The following ZFPM2 variants were observed in gnomAD, a reference collection of about 807,000 sequenced individuals.
ZFPM2 encodes the protein zinc finger protein ZFPM2.
Under a neutral mutation model 98.6 loss-of-function variants are expected in ZFPM2, and 20 were observed. The ratio of observed to expected loss-of-function variants is 0.20; its 90% confidence interval spans 0.14 to 0.29. The LOEUF (loss-of-function observed/expected upper bound fraction) is 0.29. ZFPM2 is among the 10% of genes least tolerant of loss of function. The pLI, the probability that ZFPM2 is intolerant of heterozygous loss-of-function variation, is 1.00. For synonymous variants in ZFPM2, 518 were observed against 502.7 expected (o/e 1.03, Z -0.41); for missense variants, 1,310 against 1,388.6 (o/e 0.94, Z 0.90).
chr8:105,339,924 A>T (rs1812396216), intron 1 of ZFPM2, among the ~76,000 whole-genome samples: 1 of 151,968 alleles, frequency 6.6e-6, no homozygotes, highest in South Asian at 2.1e-4. Context: ...ATAAGAATTG[A>T]TGCCATAAAG....
At chr8:105,686,197 A>G (rs776211749) in intron 5 of ZFPM2, among the ~76,000 whole-genome samples, 10 of 152,140 alleles carry the variant, frequency 6.6e-5, no homozygotes, top group Non-Finnish European at 1.0e-4. Flanking sequence ...ATTAGAGATT[A>G]GATGTGTCCG....
intron 5 of ZFPM2, among the ~76,000 whole-genome samples, chr8:105,741,864 G>T (rs1427303638): frequency 6.6e-6 from 1 of 152,052 alleles, no homozygotes; most frequent in Non-Finnish European, 1.5e-5. Context: ...TACAGGTTTT[G>T]CCAGACTACT....
At chr8:105,797,498 A>G (rs1813867763) in intron 6 of ZFPM2, among the ~76,000 whole-genome samples, 1 of 152,198 alleles carries the variant, frequency 6.6e-6, no homozygotes, top group African/African-American at 2.4e-5. Context: ...AAAATGATTC[A>G]GTGATGCTTC....
intron 5 of ZFPM2, among the ~76,000 whole-genome samples, chr8:105,668,623 A>T (rs1284156048): frequency 1.3e-5 from 2 of 152,170 alleles, no homozygotes; most frequent in Non-Finnish European, 2.9e-5. Flanking sequence ...GATTTATATT[A>T]ATATTAGGTT....
At chr8:105,443,831 G>C (rs1179704117) in intron 2 of ZFPM2, among the ~76,000 whole-genome samples, 1 of 152,130 alleles carries the variant, frequency 6.6e-6, no homozygotes, top group Non-Finnish European at 1.5e-5. Context: ...AAAAATAAAA[G>C]TGTTCTTCAA....
intron 5 of ZFPM2, among the ~76,000 whole-genome samples, chr8:105,730,950 C>G (rs1412213111): frequency 6.6e-6 from 1 of 151,540 alleles, no homozygotes; most frequent in African/African-American, 2.4e-5. Context: ...GTTAAGGACT[C>G]ACAGTCAAAG....
chr8:105,337,324 TA>T (rs1341488549), intron 1 of ZFPM2, among the ~76,000 whole-genome samples: 1 of 151,798 alleles, frequency 6.6e-6, no homozygotes, highest in Non-Finnish European at 1.5e-5. Flanking sequence ...GCTACTGGGT[TA>T]AAATTGATAA....
At chr8:105,466,176 A>T (rs1812792880) in intron 3 of ZFPM2, among the ~76,000 whole-genome samples, 1 of 151,958 alleles carries the variant, frequency 6.6e-6, no homozygotes, top group South Asian at 2.1e-4. Flanking sequence ...TTCCTTTGCC[A>T]AACTAATTTT....
intron 1 of ZFPM2, among the ~76,000 whole-genome samples, chr8:105,320,453 C>CTT (rs113099427): frequency 0.049 from 7,382 of 152,196 alleles, 603 homozygotes; most frequent in African/African-American, 0.17. Context: ...TTTTTGAAGA[C>CTT]TCACTTTTTC....
intron 4 of ZFPM2, among the ~76,000 whole-genome samples, chr8:105,623,228 C>A (rs1434541267): frequency 6.6e-6 from 1 of 152,094 alleles, no homozygotes; most frequent in African/African-American, 2.4e-5. Flanking sequence ...AATCTGCCTT[C>A]CCAAAAGATA....
At chr8:105,714,736 G>A (rs1478570921) in intron 5 of ZFPM2, among the ~76,000 whole-genome samples, 1 of 151,960 alleles carries the variant, frequency 6.6e-6, no homozygotes, top group African/African-American at 2.4e-5. Flanking sequence ...GTTGGCCATA[G>A]TGAGAGTATT....
rs547678356 is a variant in ZFPM2, at chr8:105,365,950, G to T, written c.40+46969G>T. Among the ~76,000 whole-genome samples the T allele has an allele frequency of 2.6e-5, 4 of 152,200 alleles. No homozygotes were observed. In the South Asian group the frequency reaches 8.3e-4, roughly 32 times the overall value. On this transcript the variant is annotated intron_variant, in intron 1 of 7. Transcript: ENST00000407775. Reference sequence around the variant, plus strand: ...TCAAAAATGATTGATGATTTCCAATGCCCCAGAGAAAATTTCAGCCTCTGT... The same window carrying T: ...TCAAAAATGATTGATGATTTCCAATTCCCCAGAGAAAATTTCAGCCTCTGT...
chr8:105,454,050 TC>T (rs1045948368), intron 3 of ZFPM2, among the ~76,000 whole-genome samples: 2 of 152,082 alleles, frequency 1.3e-5, no homozygotes, highest in Admixed American at 6.6e-5. Context: ...TTTTCAAACT[TC>T]CCTACTTATC....
intron 2 of ZFPM2, among the ~76,000 whole-genome samples, chr8:105,424,375 A>T (rs1301844120): frequency 6.6e-6 from 1 of 152,162 alleles, no homozygotes; most frequent in African/African-American, 2.4e-5. Context: ...GGTCAGAGAC[A>T]TTCTTGGGTA....
chr8:105,630,348 C>T (rs973396782), intron 4 of ZFPM2, among the ~76,000 whole-genome samples: 7 of 152,248 alleles, frequency 4.6e-5, no homozygotes, highest in African/African-American at 1.7e-4. Context: ...TTCCTTCTCA[C>T]ACTTGGTAAT....
intron 1 of ZFPM2, among the ~76,000 whole-genome samples, chr8:105,413,080 A>G (rs1395780250): frequency 6.6e-6 from 1 of 151,838 alleles, no homozygotes; most frequent in African/African-American, 2.4e-5. Flanking sequence ...TTTCCCCAAT[A>G]CTAATTGAAC....
chr8:105,748,242 C>T (rs1342623183), intron 5 of ZFPM2, among the ~76,000 whole-genome samples: 2 of 151,834 alleles, frequency 1.3e-5, no homozygotes, highest in Non-Finnish European at 2.9e-5. Context: ...ACTTCTTTGC[C>T]AAAAATTATT....
At chr8:105,694,332 A>C (rs1000080938) in intron 5 of ZFPM2, among the ~76,000 whole-genome samples, 1 of 152,112 alleles carries the variant, frequency 6.6e-6, no homozygotes, top group African/African-American at 2.4e-5. Flanking sequence ...TGACTCAAAT[A>C]GAGTTTTCTG....
chr8:105,425,637 C>T (rs1174104174), intron 2 of ZFPM2, among the ~76,000 whole-genome samples: 2 of 152,192 alleles, frequency 1.3e-5, no homozygotes, highest in African/African-American at 4.8e-5. Flanking sequence ...CCCCCCTCCT[C>T]CCATCCTCCT....
Sources: gnomAD v4.1 joint callset for allele counts (sites outside exome capture counted in the v4.1 genomes callset) on GRCh38, gnomAD v4.1.1 for gene constraint, MANE v1.5 for transcripts, NCBI Gene and HGNC (gene_info 2026-07-23, HGNC 2026-07-21) for gene names.